Variants in ROCK2 observed in about 807,000 individuals in gnomAD.
The protein encoded by ROCK2 is rho-associated protein kinase 2.
Under a neutral mutation model 195.1 loss-of-function variants are expected in ROCK2, and 61 were observed. The observed-to-expected ratio is 0.31, with a 90% CI of 0.25 to 0.39. The LOEUF (loss-of-function observed/expected upper bound fraction) is 0.39. Among genes scored for constraint, ROCK2 ranks in the 10% least tolerant of loss-of-function variants. The pLI, the probability that ROCK2 is intolerant of heterozygous loss-of-function variation, is 1.00. For missense variants in ROCK2, 1,109 were observed against 1,637.4 expected (o/e 0.68, Z 5.57); for synonymous variants, 504 against 545.5 (o/e 0.92, Z 1.06).
chr2:11,236,116 G>T (rs1665194447), intron 4 of ROCK2, among the ~76,000 whole-genome samples, 154 bp from the exon 5 acceptor site: 1 of 152,006 alleles, frequency 6.6e-6, no homozygotes, highest in Non-Finnish European at 1.5e-5. Flanking sequence ...TTAGACTCAG[G>T]CGTATGTAAT....
At chr2:11,195,180 G>C in intron 27 of ROCK2, 155 bp from the exon 28 acceptor site, 1 of 402,556 alleles carries the variant, frequency 2.5e-6, no homozygotes. Flanking sequence ...AATAGTACAG[G>C]ATCAGTAGTA....
intron 4 of ROCK2, among the ~76,000 whole-genome samples, chr2:11,245,591 A>C (rs917612855): frequency 2.6e-5 from 4 of 152,180 alleles, no homozygotes; most frequent in African/African-American, 9.7e-5. Context: ...CTAGGAATCT[A>C]TTGTAAAGAA....
At chr2:11,344,749 C>A (rs561656685), upstream of ROCK2, among the ~76,000 whole-genome samples, 1 of 149,568 alleles carries the variant, frequency 6.7e-6, no homozygotes, top group South Asian at 2.1e-4. The surrounding 1 kb of genome is among the most constrained non-coding windows in gnomAD (Gnocchi z 5.4). Context: ...CGCGCTTCCT[C>A]CCTTTCTTTC....
chr2:11,308,513 G>A (rs2148227054), intron 1 of ROCK2: 1 of 1,565,034 alleles, frequency 6.4e-7, no homozygotes, highest in Non-Finnish European at 8.8e-7. Context: ...ACTGGAACCA[G>A]GAATGACATT....
intron 3 of ROCK2, among the ~76,000 whole-genome samples, chr2:11,273,674 T>C (rs1666726327): frequency 6.6e-6 from 1 of 152,006 alleles, no homozygotes; most frequent in African/African-American, 2.4e-5. Flanking sequence ...CATAATAACA[T>C]ATATAATATT....
intron 4 of ROCK2, among the ~76,000 whole-genome samples, chr2:11,239,027 T>G (rs1350326372): frequency 6.6e-6 from 1 of 151,848 alleles, no homozygotes; most frequent in Non-Finnish European, 1.5e-5. Flanking sequence ...GCCAAAATAT[T>G]TTTAGACCCT....
chr2:11,306,894 G>A (rs960464536), intron 1 of ROCK2, among the ~76,000 whole-genome samples: 1 of 152,146 alleles, frequency 6.6e-6, no homozygotes, highest in East Asian at 1.9e-4. Flanking sequence ...TGACAGAGAG[G>A]AATTAACTAT....
intron 4 of ROCK2, among the ~76,000 whole-genome samples, chr2:11,239,515 C>T (rs552600811): frequency 2.0e-5 from 3 of 152,236 alleles, no homozygotes; most frequent in Non-Finnish European, 2.9e-5. Context: ...AAGGATTCCA[C>T]GCCTATGTAC....
chr2:11,194,712 A>G (rs535570693), intron 28 of ROCK2, among the ~76,000 whole-genome samples: 1 of 152,220 alleles, frequency 6.6e-6, no homozygotes, highest in South Asian at 2.1e-4. Context: ...TCCCAACAAA[A>G]CAGCAAAAGT....
intron 13 of ROCK2, among the ~76,000 whole-genome samples, chr2:11,215,866 T>C (rs1664408518): frequency 6.6e-6 from 1 of 152,220 alleles, no homozygotes; most frequent in African/African-American, 2.4e-5. Flanking sequence ...TTCCTGTAAA[T>C]TTCCACAATT....
chr2:11,219,694 G>A (rs1489921136), intron 9 of ROCK2, among the ~76,000 whole-genome samples: 1 of 151,554 alleles, frequency 6.6e-6, no homozygotes, highest in East Asian at 1.9e-4. Context: ...GAGTATAGCG[G>A]TACAATCATA....
At position 11,214,411 on chromosome 2, in the gene ROCK2, C is replaced by T. The variant is rs530651534; in HGVS notation, c.1989G>A (p.Ala663=). 5.4e-5 allele frequency: 87 copies of T among 1,611,056 alleles called. 2 individuals are homozygous for T. The highest frequency in any genetic ancestry group is 4.9e-4 in the East Asian group (22 of 44,804). The change falls in exon 17 of 33, where the codon GCG becomes GCA. Residue 663 remains alanine (A), a synonymous_variant. Coordinates refer to ENST00000315872, the MANE Select transcript of ROCK2 (RefSeq NM_004850.5). ...GTTGTCTCTTCTCCAGTTCTACTTT[C>T]GCTAGTAAGATTTTGCCGTTCTTTA... ...EDLKNGKILL[A]KVELEKRQLQ... is the part of the protein sequence containing the mutation.
chr2:11,255,868 C>T (rs1000640587), intron 3 of ROCK2, among the ~76,000 whole-genome samples: 31 of 131,196 alleles, frequency 2.4e-4, no homozygotes, highest in Non-Finnish European at 3.4e-4. Flanking sequence ...TGCAGTGAGC[C>T]GAGATGGTGC....
rs1663866970 is a variant in ROCK2, at chr2:11,201,944, T to G, written c.2619+108A>C. On this transcript the variant is annotated intron_variant, in intron 21 of 32. Coordinates refer to ENST00000315872, the MANE Select transcript of ROCK2 (RefSeq NM_004850.5). This position sits in a 1 kb window ranked among gnomAD's most constrained non-coding sequence, Gnocchi z 4.6. Reference sequence around the variant, plus strand: ...GATAATAAATTTCTCTTAAACTATCTACATTCTTTTGCCCAGCTGCTCTTT... The same window carrying G: ...GATAATAAATTTCTCTTAAACTATCGACATTCTTTTGCCCAGCTGCTCTTT... 2 of 802,130 alleles carry G rather than the reference T, an allele frequency of 2.5e-6. No individual in the cohort carries two copies. Among genetic ancestry groups the G allele is most frequent in the Admixed American group, 1.8e-5 (1 of 54,084 alleles). The allele number at this position is 802,130 out of a possible 1,614,324, so 49.7% of individuals were successfully genotyped here.
rs116757990 is a variant in ROCK2 at position 11,195,643 on chromosome 2, T to C, written c.3449-618A>G. 8.9e-3 allele frequency among the ~76,000 whole-genome samples: 1,355 copies of C among 152,268 alleles called. 15 individuals carry two copies. The highest frequency in any genetic ancestry group is 0.031 in the African/African-American group (1,279 of 41,560). ...GATTCTCCTAACTTGGCTTCCCAGG[T>C]AGCTGGGATTACAGGCACGCGCCAG... On this transcript the variant is annotated intron_variant, in intron 27 of 32. Coordinates refer to ENST00000315872, the MANE Select transcript of ROCK2 (RefSeq NM_004850.5).
intron 5 of ROCK2, among the ~76,000 whole-genome samples, chr2:11,230,637 C>T (rs1664972766): frequency 6.6e-6 from 1 of 152,042 alleles, no homozygotes; most frequent in Admixed American, 6.5e-5. Flanking sequence ...GGGTATTAAG[C>T]TGGAAAGCCA....
intron 4 of ROCK2, among the ~76,000 whole-genome samples, chr2:11,243,523 T>TA (rs1665504701): frequency 6.6e-6 from 1 of 152,174 alleles, no homozygotes; most frequent in East Asian, 1.9e-4. Context: ...TATTAGTATG[T>TA]ACTCCTGATA....
At chr2:11,295,128 T>G (rs1174112116) in intron 1 of ROCK2, among the ~76,000 whole-genome samples, 2 of 64,654 alleles carry the variant, frequency 3.1e-5, no homozygotes, top group Non-Finnish European at 8.9e-5. Flanking sequence ...ATCAACAATT[T>G]TATCTTTTCC....
rs1333622304 is a variant in ROCK2, at chr2:11,227,385, T to C, written c.737A>G (p.His246Arg). ...CMKMDETGMV[H>R]CDTAVGTPDY... is the part of the protein sequence containing the mutation. ...CGGTGTTCCAACTGCTGTATCACAATGTACCATGCCTGTCTGCATGAACAG... is the reference window on the plus strand; with the variant it reads ...CGGTGTTCCAACTGCTGTATCACAACGTACCATGCCTGTCTGCATGAACAG... Residue 246 changes from histidine (H) to arginine (R), a missense_variant, in exon 6 of 33, where the codon CAT becomes CGT. His to Arg is a conservative substitution (Grantham distance 29). Transcript: ENST00000315872. 5 of 1,613,276 alleles carry C rather than the reference T, an allele frequency of 3.1e-6. No homozygotes were observed. Among genetic ancestry groups the C allele is most frequent in the Admixed American group, 3.3e-5 (2 of 59,920 alleles).
Sources: gnomAD v4.1 joint callset for allele counts (sites outside exome capture counted in the v4.1 genomes callset) on GRCh38, gnomAD v4.1.1 for gene constraint, Gnocchi (gnomAD v3.1) non-coding constraint, MANE v1.5 for transcripts, NCBI Gene and HGNC (gene_info 2026-07-23, HGNC 2026-07-21) for gene names.